The following C9 variants were observed in gnomAD, a reference collection of about 807,000 sequenced individuals.
C9 encodes the protein complement component C9.
Under a neutral mutation model 65.4 loss-of-function variants are expected in C9, and 63 were observed. The ratio of observed to expected loss-of-function variants is 0.96; its 90% CI spans 0.79 to 1.19. The LOEUF (loss-of-function observed/expected upper bound fraction) is 1.19, where lower values mean the gene tolerates loss of function less well. Among genes scored for constraint, C9 ranks in the 50% most tolerant of loss-of-function variants. The pLI is 0.00. For synonymous variants in C9, 229 were observed against 227.9 expected, an observed-to-expected ratio of 1.00 and a Z score of -0.04; for missense variants, 744 against 670.1, an observed-to-expected ratio of 1.11 and a Z score of -1.22.
chr5:39,336,862 T>C (rs73749499), intron 4 of C9, among the ~76,000 whole-genome samples: 14,500 of 152,232 alleles, frequency 0.095, 893 homozygotes, highest in African/African-American at 0.18. Flanking sequence ...AAATTATTTT[T>C]ATGCTCCATT....
Position 39,311,358 on chromosome 5 carries a change from A to G in C9, c.890T>C (p.Val297Ala), listed in dbSNP as rs1753481843. The G allele has an allele frequency of 1.2e-6, 2 of 1,612,186 alleles. No individual in the cohort carries two copies. The highest frequency in any genetic ancestry group is 1.7e-6 in the Non-Finnish European group (2 of 1,178,808). Residue 297 changes from valine to alanine, a missense_variant, in exon 7 of 11, where the codon GTG (valine) becomes GCG (alanine). By Grantham distance (64) the Val-to-Ala change is moderately conservative. Transcript: ENST00000263408. ...SSKKEKMFLH[V>A]KGEIHLGRFV... ...TCTTCCCAGATGAATTTCTCCTTTC[A>G]CATGCAGAAACATTTTTTCCTGTGT...
At chr5:39,338,850 C>T (rs943684733) in intron 4 of C9, among the ~76,000 whole-genome samples, 5 of 152,130 alleles carry the variant, frequency 3.3e-5, no homozygotes, top group African/African-American at 9.7e-5. Context: ...AAATGCTATG[C>T]AACAAATTTT....
chr5:39,306,789 T>C lies in C9; in HGVS notation c.1244A>G (p.Asn415Ser). The C allele has an allele frequency of 1.2e-6, 2 of 1,608,494 alleles. No homozygotes were observed. Among genetic ancestry groups the C allele is most frequent in the African/African-American group, 1.3e-5 (1 of 74,878 alleles). The change falls in exon 9 of 11, where the codon AAC becomes AGC. Residue 415 changes from asparagine to serine, a missense_variant. By Grantham distance (46) the Asn-to-Ser change is conservative. Coordinates refer to ENST00000263408, the MANE Select transcript of C9 (RefSeq NM_001737.5). ...ATCTATGAGGTTTTCACTGGTGATGTTTACTGAGGAGAGAAGGAAGATTTA... is the reference window on the plus strand; with the variant it reads ...ATCTATGAGGTTTTCACTGGTGATGCTTACTGAGGAGAGAAGGAAGATTTA... Reference protein sequence around the residue: ...CVKRGEGRAVNITSENLIDDV... With the variant: ...CVKRGEGRAVSITSENLIDDV...
At chr5:39,348,868 G>A (rs1162137630) in intron 1 of C9, among the ~76,000 whole-genome samples, 2 of 152,150 alleles carry the variant, frequency 1.3e-5, no homozygotes, top group Non-Finnish European at 2.9e-5. Flanking sequence ...CATGTCCTTT[G>A]TAGGGACATG....
At chr5:39,306,943 C>T in intron 8 of C9, 151 bp from the exon 9 acceptor site, 1 of 596,264 alleles carries the variant, frequency 1.7e-6, no homozygotes, top group Non-Finnish European at 3.0e-6. Context: ...ATTGCTTATG[C>T]ATTTTTTCAC....
intron 9 of C9, among the ~76,000 whole-genome samples, chr5:39,292,975 C>A (rs1407511285): frequency 6.6e-6 from 1 of 151,392 alleles, no homozygotes; most frequent in African/African-American, 2.4e-5. Context: ...AAGAAAGGAA[C>A]AATGTAATGA....
chr5:39,353,217 T>C (rs888531789), intron 1 of C9, among the ~76,000 whole-genome samples: 49 of 152,246 alleles, frequency 3.2e-4, no homozygotes, highest in African/African-American at 1.1e-3. Flanking sequence ...GAAAGGAATC[T>C]GGCCCTGCCA....
intron 1 of C9, among the ~76,000 whole-genome samples, chr5:39,350,304 G>T (rs923571985): frequency 2.0e-5 from 3 of 152,172 alleles, no homozygotes; most frequent in African/African-American, 7.2e-5. Context: ...AACATGTGGG[G>T]ATTACAATTC....
At chr5:39,300,080 G>C (rs1363482122) in intron 9 of C9, among the ~76,000 whole-genome samples, 1 of 152,004 alleles carries the variant, frequency 6.6e-6, no homozygotes, top group African/African-American at 2.4e-5. Flanking sequence ...TGCCACAATA[G>C]AGCCTGGTAC....
intron 2 of C9, 150 bp from the exon 3 acceptor site, chr5:39,341,850 C>A: frequency 1.2e-6 from 1 of 804,698 alleles, no homozygotes; most frequent in Non-Finnish European, 2.1e-6. Context: ...TTTAGGGTAA[C>A]ACTCTGCATT....
intron 4 of C9, among the ~76,000 whole-genome samples, chr5:39,335,734 G>C (rs1753951682): frequency 6.6e-6 from 1 of 152,162 alleles, no homozygotes; most frequent in African/African-American, 2.4e-5. Context: ...GCCAAATGAG[G>C]GGTACATGTG....
chr5:39,332,834 T>A (rs982803936), intron 4 of C9, among the ~76,000 whole-genome samples: 3 of 152,236 alleles, frequency 2.0e-5, no homozygotes, highest in Non-Finnish European at 4.4e-5. Context: ...GAGAAATAAT[T>A]GAAAGGGTTT....
At chr5:39,310,823 G>A (rs1452122824) in intron 7 of C9, among the ~76,000 whole-genome samples, 1 of 152,244 alleles carries the variant, frequency 6.6e-6, no homozygotes, top group South Asian at 2.1e-4. Context: ...AATTATGTCT[G>A]TACTTTCTTT....
At chr5:39,352,965 T>C (rs1468738810) in intron 1 of C9, among the ~76,000 whole-genome samples, 2 of 152,110 alleles carry the variant, frequency 1.3e-5, no homozygotes, top group Admixed American at 1.3e-4. Flanking sequence ...GAAATGTGAT[T>C]ATGGGGAGAT....
intron 9 of C9, among the ~76,000 whole-genome samples, chr5:39,301,488 A>G (rs116013396): frequency 9.7e-4 from 148 of 152,230 alleles, no homozygotes; most frequent in African/African-American, 3.4e-3. Flanking sequence ...GATTTTGATA[A>G]TTTTACTATG....
chr5:39,357,195 G>A (rs1754426431), intron 1 of C9, among the ~76,000 whole-genome samples: 1 of 152,212 alleles, frequency 6.6e-6, no homozygotes, highest in South Asian at 2.1e-4. Context: ...AGACAGGAAA[G>A]CACTTACTTT....
At chr5:39,293,603 T>G (rs1468265083) in intron 9 of C9, among the ~76,000 whole-genome samples, 1 of 151,876 alleles carries the variant, frequency 6.6e-6, no homozygotes, top group Non-Finnish European at 1.5e-5. Context: ...AAAATAATAT[T>G]TGGGTACTTC....
At chr5:39,349,431 C>T (rs1219207282) in intron 1 of C9, among the ~76,000 whole-genome samples, 3 of 152,234 alleles carry the variant, frequency 2.0e-5, no homozygotes, top group African/African-American at 7.2e-5. Context: ...TACCATCTCC[C>T]TCCTGCCCTT....
Position 39,364,466 on chromosome 5 carries a change from C to T in C9, c.-2G>A, listed in dbSNP as rs756658021. ...TGCAAAGCTCCGGCAGGCTGACATGCTGCTCTTGCTGGGTGGCTGCGAGTG... is the reference window on the plus strand; with the variant it reads ...TGCAAAGCTCCGGCAGGCTGACATGTTGCTCTTGCTGGGTGGCTGCGAGTG... On this transcript the variant is annotated 5_prime_UTR_variant, in exon 1 of 11. Coordinates refer to ENST00000263408, the MANE Select transcript of C9 (RefSeq NM_001737.5). 6.3e-7 allele frequency: 1 copy of T among 1,598,276 alleles called. No homozygotes were observed. The highest frequency in any genetic ancestry group is 8.6e-7 in the Non-Finnish European group (1 of 1,166,874).
Sources: allele counts gnomAD v4.1 joint callset (sites outside exome capture counted in the v4.1 genomes callset), GRCh38; gene constraint gnomAD v4.1.1; transcripts MANE v1.5; gene names NCBI Gene and HGNC (gene_info 2026-07-23, HGNC 2026-07-21).